Variants in TSPAN10 observed in about 807,000 individuals in gnomAD.
The protein encoded by TSPAN10 is tetraspanin-10.
Under a neutral mutation model 15.0 loss-of-function variants are expected in TSPAN10, and 11 were observed. That is an observed-to-expected ratio of 0.73 (90% CI 0.46 to 1.21). The LOEUF is 1.21. Among genes scored for constraint, TSPAN10 ranks in the 50% most tolerant of loss-of-function variants. The probability of loss-of-function intolerance (pLI) is 0.00; values close to 1 mark genes in which losing one functional copy is unlikely to be tolerated. For missense variants in TSPAN10, 486 were observed against 470.6 expected, an observed-to-expected ratio of 1.03 and a Z score of -0.30; for synonymous variants, 241 against 226.2, an observed-to-expected ratio of 1.07 and a Z score of -0.59.
At chr17:81,648,371 GCGCCGC>G, downstream of TSPAN10, 2 of 1,159,124 alleles carry the variant, frequency 1.7e-6, no homozygotes, top group Non-Finnish European at 2.1e-6. Context: ...AGCGCGGCCT[GCGCCGC>G]CGCCGCCGCC....
downstream of TSPAN10, chr17:81,648,480 C>A: frequency 1.8e-6 from 1 of 544,866 alleles, no homozygotes; most frequent in Non-Finnish European, 2.6e-6. Context: ...GCCCCCAACG[C>A]AGGGCGCCCG....
At chr17:81,647,611 C>G in intron 2 of TSPAN10, 1 of 654,986 alleles carries the variant, frequency 1.5e-6, no homozygotes, top group South Asian at 1.5e-5. Context: ...CAATGCTTGT[C>G]TGTTCCCCCT....
At chr17:81,640,449 G>A (rs1226637600), upstream of TSPAN10, among the ~76,000 whole-genome samples, 1 of 151,772 alleles carries the variant, frequency 6.6e-6, no homozygotes, top group Non-Finnish European at 1.5e-5. Flanking sequence ...CACGCTAATG[G>A]CACTTATTTA....
chr17:81,637,541 G>C, upstream of TSPAN10: 1 of 587,102 alleles, frequency 1.7e-6, no homozygotes, highest in Non-Finnish European at 3.1e-6. Context: ...GCTCATACCT[G>C]TAATCCCAGC....
chr17:81,648,219 G>A (rs1187970099), exon 3 of TSPAN10: 3 of 1,290,774 alleles, frequency 2.3e-6, no homozygotes, highest in Non-Finnish European at 2.9e-6. Flanking sequence ...GCCCCGGAGC[G>A]CGCGGGGAGG....
chr17:81,640,761 A>T (rs76262406), upstream of TSPAN10, among the ~76,000 whole-genome samples: 11,519 of 152,110 alleles, frequency 0.076, 797 homozygotes, highest in African/African-American at 0.18. Flanking sequence ...AATGGCCTTT[A>T]AAGGCCCTGT....
chr17:81,647,331 C>T (rs866119245), intron 2 of TSPAN10: 1 of 438,282 alleles, frequency 2.3e-6, no homozygotes, highest in Middle Eastern at 3.4e-4. Context: ...GGCCCGTGTG[C>T]AGAGCCCCAG....
chr17:81,642,576 G>C (rs372265183), intron 1 of TSPAN10, 128 bp downstream of exon 2: 1 of 962,616 alleles, frequency 1.0e-6, no homozygotes, highest in Non-Finnish European at 1.6e-6. Context: ...TCAATGCTGA[G>C]ATTGGGTTGA....
At chr17:81,637,599 G>A, upstream of TSPAN10, 1 of 522,142 alleles carries the variant, frequency 1.9e-6, no homozygotes, top group Non-Finnish European at 3.4e-6. Flanking sequence ...AAAAGTTCGA[G>A]ACCAGCCTGG....
chr17:81,645,294 G>T, exon 2 of TSPAN10: 1 of 1,539,044 alleles, frequency 6.5e-7, no homozygotes. Context: ...GTGATCTGGG[G>T]GGGCCCCTGC....
rs1462348136 is a variant in TSPAN10 at position 81,647,338 on chromosome 17, C to T, written c.675-563C>T. The stretch of plus-strand genomic sequence containing the variant: ...GTCTGCTGGGCCCGTGTGCAGAGCC[C>T]CAGACATCAGTGGATGCCTAGGGCA... On this transcript the variant is annotated intron_variant, in intron 2 of 2. Transcript: ENST00000611590. 5 of 445,264 alleles carry T rather than the reference C, an allele frequency of 1.1e-5. No individual in the cohort carries two copies. In the Admixed American group the frequency reaches 1.2e-4, roughly 11 times the overall value. 27.6% of individuals were successfully genotyped at this position (445,264 alleles called of 1,614,324 possible). A position where few individuals can be genotyped will look rare whatever the true frequency, so the allele number is the denominator to read the frequency against.
Position 81,645,870 on chromosome 17 carries a change from C to G in TSPAN10, c.674+241C>G, listed in dbSNP as rs1293836539. 10 of 618,528 alleles carry G rather than the reference C, an allele frequency of 1.6e-5. No individual in the cohort carries two copies. The East Asian group carries it at 2.8e-4, about 17-fold the overall frequency. 38.3% of individuals were successfully genotyped at this position (618,528 alleles called of 1,614,324 possible). A position where few individuals can be genotyped will look rare whatever the true frequency, so the allele number is the denominator to read the frequency against. On this transcript the variant is annotated intron_variant, in intron 2 of 2. Transcript: ENST00000611590. Reference sequence around the variant, plus strand: ...ACTGACATGAACATGTTCTTGTGCACACACAAAACAGCCTCACACTCAGGC... The same window carrying G: ...ACTGACATGAACATGTTCTTGTGCAGACACAAAACAGCCTCACACTCAGGC...
upstream of TSPAN10, among the ~76,000 whole-genome samples, chr17:81,640,969 T>A (rs984668993): frequency 6.6e-6 from 1 of 150,814 alleles, no homozygotes; most frequent in African/African-American, 2.4e-5. Context: ...GGTCAGGAGG[T>A]CGAGACCAGA....
At chr17:81,647,798 G>A in intron 2 of TSPAN10, 103 bp from the exon 4 acceptor site, 1 of 1,269,974 alleles carries the variant, frequency 7.9e-7, no homozygotes, top group African/African-American at 1.5e-5. Context: ...GTGCCTGTGT[G>A]GCCATGGAAG....
At chr17:81,642,402 C>T (rs754972994), upstream of TSPAN10, 5 of 1,613,546 alleles carry the variant, frequency 3.1e-6, no homozygotes, top group Non-Finnish European at 4.2e-6. Flanking sequence ...CTTTCTGTTC[C>T]AGCGTCAAGG....
chr17:81,645,999 C>T (rs1598711713), intron 2 of TSPAN10: 1 of 374,276 alleles, frequency 2.7e-6, no homozygotes, highest in East Asian at 7.0e-5. Context: ...CCAATCAGCC[C>T]TGCGGCCCCC....
At chr17:81,647,925 G>C (rs2036277852) in exon 3 of TSPAN10, 2 of 1,606,670 alleles carry the variant, frequency 1.2e-6, no homozygotes, top group Non-Finnish European at 1.7e-6. Flanking sequence ...GCTCCCCCGG[G>C]GTGCAGGCCT....
upstream of TSPAN10, chr17:81,637,654 C>G (rs2036122935): frequency 2.4e-6 from 1 of 424,130 alleles, no homozygotes. Flanking sequence ...CAAAATTAGG[C>G]CATACGCGGT....
chr17:81,643,150 A>G (rs1264148336), intron 1 of TSPAN10, among the ~76,000 whole-genome samples: 2 of 150,540 alleles, frequency 1.3e-5, no homozygotes, highest in Non-Finnish European at 3.0e-5. Context: ...GATTACAGGC[A>G]CATGCCACCA....
Sources: allele counts gnomAD v4.1 joint callset (sites outside exome capture counted in the v4.1 genomes callset), GRCh38; gene constraint gnomAD v4.1.1; transcripts MANE v1.5; gene names NCBI Gene and HGNC (gene_info 2026-07-23, HGNC 2026-07-21).